Variants in WWOX observed in about 807,000 individuals in gnomAD.
WWOX encodes the protein WW domain containing oxidoreductase, also known as WW domain-containing oxidoreductase.
WWOX carries 69 observed loss-of-function variants against 46.2 expected under a neutral mutation model. The observed-to-expected ratio is 1.49, with a 90% CI of 1.23 to 1.82. WWOX has a LOEUF of 1.82. WWOX is among the 40% of genes most tolerant of loss of function. WWOX has a pLI of 0.00. For synonymous variants in WWOX, 359 were observed against 202.6 expected (o/e 1.77, Z -6.56); for missense variants, 919 against 542.6 (o/e 1.69, Z -6.89).
intron 8 of WWOX, among the ~76,000 whole-genome samples, chr16:78,757,868 C>T (rs964529684): frequency 2.6e-5 from 4 of 151,902 alleles, no homozygotes; most frequent in African/African-American, 7.3e-5. Context: ...ATGAGGGTTC[C>T]ACTCTCATGA....
intron 8 of WWOX, among the ~76,000 whole-genome samples, chr16:78,774,851 C>T (rs1042966644): frequency 1.3e-5 from 2 of 152,164 alleles, no homozygotes; most frequent in Admixed American, 6.5e-5. Flanking sequence ...TTCTGCAAGT[C>T]CATCCCCTTA....
At chr16:78,872,997 A>T (rs975375659) in intron 8 of WWOX, 2 of 152,144 alleles carry the variant, frequency 1.3e-5, no homozygotes, top group Non-Finnish European at 1.5e-5. Context: ...AGGTCTTGCT[A>T]TGCTGCCCAG....
intron 3 of WWOX, among the ~76,000 whole-genome samples, chr16:78,112,991 C>T (rs1251210578): frequency 4.6e-5 from 7 of 152,138 alleles, no homozygotes; most frequent in Non-Finnish European, 5.9e-5. Flanking sequence ...CAGGCATGAG[C>T]GACCACACCT....
At chr16:79,046,090 C>G (rs972520081) in intron 8 of WWOX, among the ~76,000 whole-genome samples, 2 of 152,168 alleles carry the variant, frequency 1.3e-5, no homozygotes, top group Admixed American at 6.5e-5. Context: ...GCATAAGCCA[C>G]TGCACCCGGC....
intron 8 of WWOX, among the ~76,000 whole-genome samples, chr16:78,799,584 A>G (rs1008363335): frequency 6.7e-6 from 1 of 150,266 alleles, no homozygotes; most frequent in Middle Eastern, 3.4e-3. Flanking sequence ...TGAGGCTGTC[A>G]GAAGCCGAGG....
intron 8 of WWOX, among the ~76,000 whole-genome samples, chr16:78,478,414 T>G (rs1395792078): frequency 6.6e-6 from 1 of 152,154 alleles, no homozygotes; most frequent in Non-Finnish European, 1.5e-5. Flanking sequence ...AATGGCCATA[T>G]TTACCACCCC....
At chr16:78,991,768 C>A (rs2046891953) in intron 8 of WWOX, among the ~76,000 whole-genome samples, 1 of 152,080 alleles carries the variant, frequency 6.6e-6, no homozygotes, top group African/African-American at 2.4e-5. Context: ...AGGGGCTTAA[C>A]ACATTTCCGT....
At chr16:78,641,402 A>G (rs937831098) in intron 8 of WWOX, among the ~76,000 whole-genome samples, 2 of 152,098 alleles carry the variant, frequency 1.3e-5, no homozygotes, top group African/African-American at 4.8e-5. Context: ...AGGGTTATCA[A>G]TATCCGTGGC....
At chr16:79,174,223 C>G (rs2050756067) in intron 8 of WWOX, among the ~76,000 whole-genome samples, 1 of 152,192 alleles carries the variant, frequency 6.6e-6, no homozygotes, top group Non-Finnish European at 1.5e-5. Flanking sequence ...TGGCAAATGC[C>G]TCTTGGCCAC....
At chr16:78,924,016 C>T (rs140322027) in intron 8 of WWOX, among the ~76,000 whole-genome samples, 153 of 151,846 alleles carry the variant, frequency 1.0e-3, no homozygotes, top group African/African-American at 3.4e-3. Flanking sequence ...GGGGTTTCAC[C>T]GTGTTAGCCA....
intron 8 of WWOX, among the ~76,000 whole-genome samples, chr16:79,070,882 C>T (rs1315693549): frequency 6.6e-6 from 1 of 152,148 alleles, no homozygotes; most frequent in African/African-American, 2.4e-5. Flanking sequence ...ATATTCTCCA[C>T]AGAAACTTTT....
intron 8 of WWOX, among the ~76,000 whole-genome samples, chr16:78,584,949 T>C (rs2045158023): frequency 6.6e-6 from 1 of 152,210 alleles, no homozygotes; most frequent in African/African-American, 2.4e-5. Context: ...CACAGTGGGT[T>C]TTCCCAACAA....
intron 8 of WWOX, among the ~76,000 whole-genome samples, chr16:78,455,366 T>A (rs11866184): frequency 6.6e-6 from 1 of 151,546 alleles, no homozygotes; most frequent in Non-Finnish European, 1.5e-5. Context: ...CGAGGCTAGG[T>A]GTGGTGGCTC....
intron 8 of WWOX, among the ~76,000 whole-genome samples, chr16:79,089,389 T>C (rs1198747655): frequency 6.7e-6 from 1 of 150,290 alleles, no homozygotes; most frequent in Non-Finnish European, 1.5e-5. Flanking sequence ...TGGAATGCAG[T>C]GGCATGATCT....
At chr16:78,430,261 C>A (rs2083183676) in intron 7 of WWOX, among the ~76,000 whole-genome samples, 1 of 152,132 alleles carries the variant, frequency 6.6e-6, no homozygotes, top group African/African-American at 2.4e-5. Flanking sequence ...CCATGATTCA[C>A]TTATCTCCAC....
chr16:78,921,751 G>T (rs537897341), intron 8 of WWOX, among the ~76,000 whole-genome samples: 3 of 152,286 alleles, frequency 2.0e-5, no homozygotes, highest in South Asian at 4.1e-4. Context: ...TGAGGAGTAA[G>T]GGGTAACTGC....
At chr16:78,991,177 A>G (rs368751262) in intron 8 of WWOX, among the ~76,000 whole-genome samples, 202 of 152,310 alleles carry the variant, frequency 1.3e-3, no homozygotes, top group African/African-American at 4.4e-3. Context: ...AAGTCAAAGA[A>G]GAAATTTGGA....
rs542906341 is a variant in WWOX at position 78,466,880 on chromosome 16, A to T, written c.1056+34128A>T. ...AAAGCACAAAAAATTTTTTTCTTCC[A>T]TCTGTATCACACAGTTGCAACGTTG... On this transcript the variant is annotated intron_variant, in intron 8 of 8. Coordinates refer to ENST00000566780, the MANE Select transcript of WWOX (RefSeq NM_016373.4). 2.0e-5 allele frequency among the ~76,000 whole-genome samples: 3 copies of T among 152,102 alleles called. No homozygotes were observed. In the South Asian group the frequency reaches 6.2e-4, roughly 32 times the overall value.
intron 5 of WWOX, among the ~76,000 whole-genome samples, chr16:78,383,347 C>T (rs1428135584): frequency 1.3e-5 from 2 of 152,098 alleles, no homozygotes; most frequent in Non-Finnish European, 2.9e-5. Flanking sequence ...AGGGTGTTCT[C>T]TGTACCAGTT....
Sources: allele counts gnomAD v4.1 joint callset (sites outside exome capture counted in the v4.1 genomes callset), GRCh38; gene constraint gnomAD v4.1.1; transcripts MANE v1.5; gene names NCBI Gene and HGNC (gene_info 2026-07-23, HGNC 2026-07-21).